Variants in RHCG observed in about 807,000 individuals in gnomAD.
RHCG encodes the protein ammonium transporter Rh type C.
In RHCG, 39 loss-of-function variants were observed where a neutral mutation model predicts 55.3. The observed-to-expected ratio is 0.70, with a 90% CI of 0.55 to 0.92. RHCG has a LOEUF of 0.92. Ranked by LOEUF, RHCG falls within the 40% of genes least tolerant of loss-of-function variation. The pLI is 0.00. For missense variants in RHCG, 635 were observed against 627.9 expected (o/e 1.01, Z -0.12); for synonymous variants, 250 against 246.8 (o/e 1.01, Z -0.12).
chr15:89,478,980 G>C (rs1043324371), intron 5 of RHCG, among the ~76,000 whole-genome samples: 1 of 152,108 alleles, frequency 6.6e-6, no homozygotes, highest in Non-Finnish European at 1.5e-5. Flanking sequence ...TGCACCTGCA[G>C]TCCCAGCTAG....
At chr15:89,476,713 C>T (rs767907019) in intron 9 of RHCG, 42 bp downstream of exon 9, 27 of 1,540,898 alleles carry the variant, frequency 1.8e-5, no homozygotes, top group South Asian at 1.3e-4. Context: ...AGGGAGGGAA[C>T]GCAGCTGCCC....
At chr15:89,472,644 G>A in intron 10 of RHCG, 67 bp downstream of exon 10, 1 of 1,480,844 alleles carries the variant, frequency 6.8e-7, no homozygotes, top group Non-Finnish European at 9.2e-7. Flanking sequence ...AGTAACATCT[G>A]ATTCTGAGAG....
Position 89,477,765 on chromosome 15 carries a change from C to T in RHCG, c.975+72G>A. 6.2e-7 allele frequency: 1 copy of T among 1,606,556 alleles called. No homozygotes were observed. The highest frequency in any genetic ancestry group is 8.5e-7 in the Non-Finnish European group (1 of 1,174,816). On this transcript the variant is annotated intron_variant, in intron 6 of 10. Transcript: ENST00000268122. The surrounding 1 kb of genome is among the most constrained non-coding windows in gnomAD (Gnocchi z 4.5). ...AGCCCTCAGCCCCCTCCCTAGGAAC[C>T]CTCAGCTCACTGTCAGGAACACAAA...
chr15:89,482,989 C>A (rs1596405214), intron 3 of RHCG, 78 bp downstream of exon 3: 3 of 1,385,798 alleles, frequency 2.2e-6, no homozygotes, highest in East Asian at 4.8e-5. Context: ...GCATGTCTCC[C>A]CAGCTGTCTA....
intron 1 of RHCG, among the ~76,000 whole-genome samples, chr15:89,493,009 G>A (rs1422528964): frequency 1.3e-5 from 2 of 152,194 alleles, no homozygotes; most frequent in Non-Finnish European, 2.9e-5. Flanking sequence ...GCTCACTGTG[G>A]CGAGGTGGTT....
chr15:89,480,160 C>T, intron 4 of RHCG, 101 bp downstream of exon 4: 2 of 1,495,036 alleles, frequency 1.3e-6, no homozygotes, highest in Non-Finnish European at 1.8e-6. Flanking sequence ...TCATGGTGGC[C>T]TTCACCCATC....
At chr15:89,479,857 G>C (rs1476385380) in intron 4 of RHCG, 6 of 374,156 alleles carry the variant, frequency 1.6e-5, no homozygotes, top group Non-Finnish European at 3.0e-5. Flanking sequence ...GCTGGGTTTT[G>C]AGAGACCAGA....
chr15:89,480,330 G>A lies in RHCG; in HGVS notation c.601C>T (p.Arg201Ter), dbSNP rs367619589. The change falls in exon 4 of 11, where the codon CGA becomes TGA. Residue 201 changes from arginine (R) to a stop codon, truncating the protein, a stop_gained. Transcript: ENST00000268122. LOFTEE classifies it high-confidence loss of function. Reference protein sequence around the residue: ...FGLTVTRILYRRNLEQSKERQ... With the variant: ...FGLTVTRILY Reference sequence around the variant, plus strand: ...TCCTTGCTCTGCTCTAGGTTGCGTCGGTAGAGGATCCGGGTCACTGTGAGC... The same window carrying A: ...TCCTTGCTCTGCTCTAGGTTGCGTCAGTAGAGGATCCGGGTCACTGTGAGC... The A allele has an allele frequency of 4.3e-6, 7 of 1,614,200 alleles. No homozygotes were observed. Among genetic ancestry groups the A allele is most frequent in the Non-Finnish European group, 5.1e-6 (6 of 1,180,044 alleles).
chr15:89,485,969 T>C (rs113381508), intron 2 of RHCG, among the ~76,000 whole-genome samples: 1,564 of 152,250 alleles, frequency 0.01, 34 homozygotes, highest in African/African-American at 0.036. Flanking sequence ...TTATAACCTG[T>C]TGGTGGTGTT....
intron 2 of RHCG, among the ~76,000 whole-genome samples, chr15:89,484,534 C>G (rs1184066306): frequency 6.6e-6 from 1 of 152,126 alleles, no homozygotes; most frequent in East Asian, 1.9e-4. Context: ...GTAATCCCAG[C>G]ACTTTGGGAG....
At chr15:89,486,583 AGAGAGAGAGAGAGAGAGT>A (rs1261948768) in intron 2 of RHCG, 198 bp downstream of exon 2, 267 of 505,966 alleles carry the variant, frequency 5.3e-4, no homozygotes, top group African/African-American at 2.8e-3. Flanking sequence ...AGAGAGAGAG[AGAGAGAGAGAGAGAGAGT>A]GTGTGTGTGT....
intron 3 of RHCG, among the ~76,000 whole-genome samples, chr15:89,480,653 C>T (rs768559430): frequency 1.3e-5 from 2 of 152,182 alleles, no homozygotes; most frequent in Admixed American, 1.3e-4. Context: ...ATGGGGAAAC[C>T]CAGGCCTGGA....
intron 1 of RHCG, among the ~76,000 whole-genome samples, chr15:89,488,740 G>A (rs1217894738): frequency 6.8e-6 from 1 of 147,998 alleles, no homozygotes; most frequent in Admixed American, 6.8e-5. Flanking sequence ...CCTTACTCTA[G>A]ACTGGATTCT....
At position 89,479,359 on chromosome 15, in the gene RHCG, A is replaced by G; in HGVS notation, c.800T>C (p.Ile267Thr). 1 of 1,614,146 alleles carries G rather than the reference A, an allele frequency of 6.2e-7. No homozygotes were observed. The highest frequency in any genetic ancestry group is 8.5e-7 in the Non-Finnish European group (1 of 1,180,028). Residue 267 changes from isoleucine (I) to threonine (T), a missense_variant, in exon 5 of 11, where the codon ATA becomes ACA. Coordinates refer to ENST00000268122, the MANE Select transcript of RHCG (RefSeq NM_016321.3). ...LAACVLTSVA[I>T]SSALHKKGKL... Reference sequence around the variant, plus strand: ...GCCCTTCTTGTGCAGGGCACTGGATATTGCCACCGAGGTAAGCACGCAGGC... The same window carrying G: ...GCCCTTCTTGTGCAGGGCACTGGATGTTGCCACCGAGGTAAGCACGCAGGC...
chr15:89,476,874 C>G (rs975630903), intron 8 of RHCG, 46 bp from the exon 9 acceptor site: 1 of 1,573,758 alleles, frequency 6.4e-7, no homozygotes, highest in Non-Finnish European at 8.7e-7. Context: ...TGCCTTCTCT[C>G]TGCTCACCCC....
chr15:89,495,840 T>C (rs1961555569), intron 1 of RHCG, among the ~76,000 whole-genome samples: 1 of 152,158 alleles, frequency 6.6e-6, no homozygotes, highest in South Asian at 2.1e-4. Context: ...GGTGTGTGAT[T>C]GTAGGGTCAT....
intron 1 of RHCG, among the ~76,000 whole-genome samples, chr15:89,491,295 G>A (rs1961470875): frequency 6.6e-6 from 1 of 151,928 alleles, no homozygotes; most frequent in Admixed American, 6.6e-5. Context: ...CCTGTCTGGG[G>A]GTGTCTCTTT....
rs11858388 is a variant in RHCG, at chr15:89,474,788, T to G, written c.1312-1925A>C. Among the ~76,000 whole-genome samples, 325 of 132,808 alleles carry G rather than the reference T, an allele frequency of 2.4e-3. 2 individuals are homozygous for G. The highest frequency in any genetic ancestry group is 8.2e-3 in the African/African-American group (273 of 33,220). 87.1% of individuals were successfully genotyped at this position (132,808 alleles called of 152,430 possible). ...TGCCTTCCTTCCTTCCTGCCTGCCT[T>G]CCTTCCTTCCTGCCTGCCTTCCTTC... On this transcript the variant is annotated intron_variant, in intron 9 of 10. Coordinates refer to ENST00000268122, the MANE Select transcript of RHCG (RefSeq NM_016321.3).
chr15:89,476,805 A>G lies in RHCG; in HGVS notation c.1261T>C (p.Trp421Arg), dbSNP rs2141888802. ...CAGTTCTCATCTGAAGGTTGTCCCC[A>G]GAATGGTAATCTCAAAATGAGCCCT... The part of the protein sequence containing the change: ...IVGLILRLPF[W>R]GQPSDENCFE... Residue 421 changes from tryptophan (W) to arginine (R), a missense_variant, in exon 9 of 11, where the codon TGG (tryptophan) becomes CGG (arginine). By Grantham distance (101) the Trp-to-Arg change is moderately radical. Coordinates refer to ENST00000268122, the MANE Select transcript of RHCG (RefSeq NM_016321.3). 2 of 1,614,160 alleles carry G rather than the reference A, an allele frequency of 1.2e-6. No individual in the cohort carries two copies. Among genetic ancestry groups the G allele is most frequent in the Non-Finnish European group, 1.7e-6 (2 of 1,179,986 alleles).
Sources: allele counts gnomAD v4.1 joint callset (sites outside exome capture counted in the v4.1 genomes callset), GRCh38; gene constraint gnomAD v4.1.1; non-coding constraint Gnocchi (gnomAD v3.1); transcripts MANE v1.5; gene names NCBI Gene and HGNC (gene_info 2026-07-23, HGNC 2026-07-21).